The following OSBPL6 variants were observed in gnomAD, a reference collection of about 807,000 sequenced individuals.
The protein encoded by OSBPL6 is oxysterol binding protein like 6, also known as oxysterol-binding protein-related protein 6.
OSBPL6 carries 49 observed loss-of-function variants against 125.8 expected under a neutral mutation model. The ratio of observed to expected loss-of-function variants is 0.39; its 90% CI spans 0.31 to 0.49. The LOEUF (loss-of-function observed/expected upper bound fraction) is 0.49. OSBPL6 is among the 20% of genes least tolerant of loss of function. The pLI is 0.88. For synonymous variants in OSBPL6, 394 were observed against 391.8 expected (o/e 1.01, Z -0.07); for missense variants, 986 against 1,135.4 (o/e 0.87, Z 1.89).
intron 3 of OSBPL6, among the ~76,000 whole-genome samples, chr2:178,316,707 C>T (rs1687767534): frequency 6.6e-6 from 1 of 152,026 alleles, no homozygotes; most frequent in South Asian, 2.1e-4. Context: ...ACTTACATCG[C>T]ATTTACATAG....
At chr2:178,315,405 G>C (rs1310530986) in intron 3 of OSBPL6, among the ~76,000 whole-genome samples, 1 of 152,178 alleles carries the variant, frequency 6.6e-6, no homozygotes, top group South Asian at 2.1e-4. Context: ...TGTGTGTGTA[G>C]CTTTAAGACA....
At chr2:178,250,754 A>C (rs577463557) in intron 1 of OSBPL6, among the ~76,000 whole-genome samples, 1 of 152,116 alleles carries the variant, frequency 6.6e-6, no homozygotes, top group Admixed American at 6.5e-5. Context: ...GTGCACTATA[A>C]ATGAGGACTT....
intron 1 of OSBPL6, among the ~76,000 whole-genome samples, chr2:178,225,615 G>T (rs1198675060): frequency 6.6e-6 from 1 of 152,156 alleles, no homozygotes; most frequent in Non-Finnish European, 1.5e-5. Context: ...CCGAGACTGG[G>T]CAATTTACAA....
rs148023501 is a variant in OSBPL6, at chr2:178,246,574, C to T, written c.-350-38353C>T. Among the ~76,000 whole-genome samples, 899 of 152,280 alleles carry T rather than the reference C, an allele frequency of 5.9e-3. 10 individuals carry two copies. The highest frequency in any genetic ancestry group is 0.021 in the African/African-American group (855 of 41,554). On this transcript the variant is annotated intron_variant, in intron 1 of 24. Transcript: ENST00000190611. ...TCAGTTCCCCTTTCTCCTGAGGTTACGGTCTAGCTATATCATATTGTACCA... is the reference window on the plus strand; with the variant it reads ...TCAGTTCCCCTTTCTCCTGAGGTTATGGTCTAGCTATATCATATTGTACCA...
intron 1 of OSBPL6, among the ~76,000 whole-genome samples, chr2:178,208,968 T>G (rs991120522): frequency 6.6e-6 from 1 of 152,160 alleles, no homozygotes; most frequent in Non-Finnish European, 1.5e-5. Flanking sequence ...CTTTAGAATA[T>G]TCAAGGCTTT....
chr2:178,229,732 C>T (rs1289664843), intron 1 of OSBPL6, among the ~76,000 whole-genome samples: 1 of 152,138 alleles, frequency 6.6e-6, no homozygotes, highest in Non-Finnish European at 1.5e-5. Flanking sequence ...TGGGAAGCTA[C>T]AGTGGGAGAA....
intron 1 of OSBPL6, among the ~76,000 whole-genome samples, chr2:178,284,622 G>A (rs1243749347): frequency 6.6e-6 from 1 of 152,242 alleles, no homozygotes; most frequent in East Asian, 1.9e-4. Context: ...ATGTGGTCCT[G>A]GAGAATATAT....
In OSBPL6 at chr2:178,320,256, G is replaced by A. The variant is rs951647915; in HGVS notation, c.103-3921G>A. On this transcript the variant is annotated intron_variant, in intron 3 of 24. Coordinates refer to ENST00000190611, the MANE Select transcript of OSBPL6 (RefSeq NM_032523.4). ...TCATGTTGGCACATTTCCACTTGCT[G>A]CTCAGGAGGTATTGAGATCAATGAA... The A allele has an allele frequency of 2.5e-6, 4 of 1,607,216 alleles. No homozygotes were observed. In the African/African-American group the frequency reaches 5.4e-5, roughly 22 times the overall value.
intron 1 of OSBPL6, among the ~76,000 whole-genome samples, chr2:178,248,265 A>G (rs776030129): frequency 2.0e-5 from 3 of 152,248 alleles, no homozygotes; most frequent in Non-Finnish European, 4.4e-5. Context: ...AGTTTCCCTG[A>G]TACATTTTTA....
At chr2:178,320,539 CT>C in intron 3 of OSBPL6, 1 of 864,526 alleles carries the variant, frequency 1.2e-6, no homozygotes, top group South Asian at 1.7e-5. Context: ...CTTTATTTAA[CT>C]TGCTTACATA....
intron 2 of OSBPL6, among the ~76,000 whole-genome samples, chr2:178,288,241 C>G (rs990588122): frequency 1.3e-5 from 2 of 152,146 alleles, no homozygotes; most frequent in African/African-American, 4.8e-5. Flanking sequence ...CAAGGAGCAC[C>G]TAATCTGAAG....
chr2:178,237,218 C>T (rs1427620395), intron 1 of OSBPL6, among the ~76,000 whole-genome samples: 1 of 152,176 alleles, frequency 6.6e-6, no homozygotes, highest in Non-Finnish European at 1.5e-5. Flanking sequence ...GTTTCTACCT[C>T]CATGGGGGCT....
chr2:178,211,376 C>T (rs1475458087), intron 1 of OSBPL6, among the ~76,000 whole-genome samples: 1 of 152,208 alleles, frequency 6.6e-6, no homozygotes, highest in Non-Finnish European at 1.5e-5. Context: ...AGGTGCCTGA[C>T]TTTCAATATG....
chr2:178,362,841 A>G (rs1192676955), intron 13 of OSBPL6, among the ~76,000 whole-genome samples: 1 of 152,208 alleles, frequency 6.6e-6, no homozygotes, highest in Non-Finnish European at 1.5e-5. Context: ...TGCTTCCAGT[A>G]TAAAGCCAGG....
intron 1 of OSBPL6, among the ~76,000 whole-genome samples, chr2:178,198,471 A>G (rs2089036552): frequency 6.7e-6 from 1 of 149,300 alleles, no homozygotes; most frequent in African/African-American, 2.5e-5. Context: ...TAATTTTTGT[A>G]TTTTTAGTAG....
chr2:178,306,260 A>G lies in OSBPL6; in HGVS notation c.76A>G (p.Thr26Ala), dbSNP rs149772783. 31 of 1,613,278 alleles carry G rather than the reference A, an allele frequency of 1.9e-5. No individual in the cohort carries two copies. In the African/African-American group the frequency reaches 4.0e-4, roughly 21 times the overall value. Residue 26 changes from threonine (T) to alanine (A), a missense_variant, in exon 3 of 25, where the codon ACA (threonine) becomes GCA (alanine). This residue lies in a region of OSBPL6 where 130 missense variants were observed against 106.4 expected (regional missense o/e 1.22). Coordinates refer to ENST00000190611, the MANE Select transcript of OSBPL6 (RefSeq NM_032523.4). ...AACCCATAGAAGTGCCTCCTCTTCA[A>G]CATCCTCCCAAAGGGACAGTAGGCA... The part of the protein sequence containing the change: ...TPTHRSASSS[T>A]SSQRDSRQSI...
rs531382220 is a variant in OSBPL6 at position 178,313,463 on chromosome 2, G to A, written c.102+7177G>A. 7.2e-5 allele frequency among the ~76,000 whole-genome samples: 11 copies of A among 152,208 alleles called. No homozygotes were observed. The South Asian group carries it at 2.3e-3, about 32-fold the overall frequency. ...ATGTATCTCCACCAGGTTAGACCTT[G>A]TAAATCCTTAAATGAGTCAATTTTT... On this transcript the variant is annotated intron_variant, in intron 3 of 24. Coordinates refer to ENST00000190611, the MANE Select transcript of OSBPL6 (RefSeq NM_032523.4).
intron 6 of OSBPL6, among the ~76,000 whole-genome samples, chr2:178,331,986 G>A (rs111331134): frequency 7.9e-5 from 12 of 152,108 alleles, no homozygotes; most frequent in South Asian, 4.1e-4. Context: ...TTATTTCTAC[G>A]TCATACATCT....
At chr2:178,276,815 A>G (rs2092479609) in intron 1 of OSBPL6, among the ~76,000 whole-genome samples, 1 of 150,872 alleles carries the variant, frequency 6.6e-6, no homozygotes, top group East Asian at 1.9e-4. Context: ...TTTTCTCACA[A>G]TAATTTTTTA....
Sources: allele counts gnomAD v4.1 joint callset (sites outside exome capture counted in the v4.1 genomes callset), GRCh38; gene constraint gnomAD v4.1.1; regional missense constraint gnomAD v4.1.1; transcripts MANE v1.5; gene names NCBI Gene and HGNC (gene_info 2026-07-23, HGNC 2026-07-21).